Variants in ADD3 observed in about 807,000 individuals in gnomAD.
ADD3 encodes gamma-adducin.
ADD3 carries 25 observed loss-of-function variants against 80.2 expected under a neutral mutation model. The observed-to-expected ratio is 0.31, with a 90% CI of 0.23 to 0.44. The LOEUF is 0.44. ADD3 is among the 20% of genes least tolerant of loss of function. ADD3 has a pLI of 1.00. For synonymous variants in ADD3, 284 were observed against 289.6 expected, an observed-to-expected ratio of 0.98 and a Z score of 0.20; for missense variants, 829 against 847.5, an observed-to-expected ratio of 0.98 and a Z score of 0.27.
intron 1 of ADD3, among the ~76,000 whole-genome samples, chr10:110,091,715 C>CAA (rs1847537313): frequency 6.6e-6 from 1 of 151,970 alleles, no homozygotes; most frequent in South Asian, 2.1e-4. Context: ...ATGAAGTCTC[C>CAA]AAAAGCAATT....
Position 110,119,554 on chromosome 10 carries a change from G to T in ADD3, c.950G>T (p.Cys317Phe). Residue 317 changes from cysteine (C) to phenylalanine (F), a missense_variant, in exon 8 of 15, where the codon TGT becomes TTT. Physicochemically the swap from Cys to Phe is radical, Grantham distance 205 (BLOSUM62 -2). Transcript: ENST00000356080. ...FHYIFNVQLA[C>F]EIQVQALAGA... ...TATATTTTTAATGTGCAACTAGCCTGTGAGATTCAGGTAGGAAACATTATT... is the reference window on the plus strand; with the variant it reads ...TATATTTTTAATGTGCAACTAGCCTTTGAGATTCAGGTAGGAAACATTATT... 1 of 1,612,894 alleles carries T rather than the reference G, an allele frequency of 6.2e-7. No homozygotes were observed. Among genetic ancestry groups the T allele is most frequent in the Middle Eastern group, 1.7e-4 (1 of 6,060 alleles).
chr10:110,054,894 A>G (rs544484220), intron 1 of ADD3, among the ~76,000 whole-genome samples: 8 of 151,970 alleles, frequency 5.3e-5, no homozygotes, highest in East Asian at 2.0e-4. Context: ...GCTTACAGGC[A>G]TGAGCCACCG....
chr10:110,111,677 A>G (rs1850024832), intron 2 of ADD3, among the ~76,000 whole-genome samples: 2 of 152,306 alleles, frequency 1.3e-5, no homozygotes, highest in African/African-American at 4.8e-5. Context: ...GCACTTCGGA[A>G]GGCAGAGGTG....
At chr10:110,095,890 A>G (rs1848091494) in intron 1 of ADD3, among the ~76,000 whole-genome samples, 2 of 152,216 alleles carry the variant, frequency 1.3e-5, no homozygotes, top group African/African-American at 4.8e-5. Flanking sequence ...CATTTGTATA[A>G]TATTCTTTAA....
chr10:110,029,130 C>A (rs771370921), intron 1 of ADD3, among the ~76,000 whole-genome samples: 1 of 152,240 alleles, frequency 6.6e-6, no homozygotes, highest in Non-Finnish European at 1.5e-5. Context: ...CCGCCTGCCT[C>A]GGCCTCCCAA....
chr10:110,128,163 C>T (rs1320294441), intron 12 of ADD3, among the ~76,000 whole-genome samples: 4 of 150,626 alleles, frequency 2.7e-5, no homozygotes, highest in African/African-American at 9.8e-5. Flanking sequence ...AATTAGTAAC[C>T]CTTTTCAATC....
chr10:110,108,545 T>C (rs1849635170), intron 2 of ADD3, among the ~76,000 whole-genome samples: 1 of 152,156 alleles, frequency 6.6e-6, no homozygotes, highest in Non-Finnish European at 1.5e-5. Flanking sequence ...AGTAAAAATA[T>C]GATTAACTAC....
upstream of ADD3, among the ~76,000 whole-genome samples, chr10:110,004,406 C>T (rs896160562): frequency 2.0e-5 from 3 of 152,018 alleles, no homozygotes; most frequent in Non-Finnish European, 2.9e-5. Flanking sequence ...TGGTGGCATG[C>T]GCCTGTAGTC....
intron 13 of ADD3, 78 bp from the exon 14 acceptor site, chr10:110,132,227 G>T: frequency 2.2e-6 from 2 of 907,056 alleles, no homozygotes; most frequent in Admixed American, 2.0e-5. Context: ...GGCATTTGAT[G>T]TATGCACTAA....
intron 1 of ADD3, among the ~76,000 whole-genome samples, chr10:110,040,390 C>T (rs775164538): frequency 6.6e-6 from 1 of 152,162 alleles, no homozygotes. Context: ...AACAGATTGA[C>T]ACTGGCAGGA....
chr10:110,129,150 C>CTTTCTT (rs1554845124), intron 12 of ADD3, among the ~76,000 whole-genome samples: 25 of 138,302 alleles, frequency 1.8e-4, no homozygotes, highest in African/African-American at 6.4e-4. Flanking sequence ...TTCTTTCTTT[C>CTTTCTT]TTTTTTTTTT....
chr10:110,133,183 T>G, intron 14 of ADD3, 143 bp from the exon 15 acceptor site: 1 of 801,804 alleles, frequency 1.2e-6, no homozygotes, highest in South Asian at 3.5e-5. Context: ...TGCTAATAGA[T>G]CACAGTTTAT....
intron 1 of ADD3, among the ~76,000 whole-genome samples, chr10:110,065,912 A>G (rs7081939): frequency 6.6e-6 from 1 of 151,886 alleles, no homozygotes; most frequent in Admixed American, 6.6e-5. Context: ...TTTTTCAAGT[A>G]TGTATTTTAG....
At chr10:110,109,127 G>A (rs376618268) in intron 2 of ADD3, among the ~76,000 whole-genome samples, 3 of 152,128 alleles carry the variant, frequency 2.0e-5, no homozygotes, top group East Asian at 1.9e-4. Context: ...CTGTATGTCC[G>A]TGAACAGGTT....
intron 1 of ADD3, among the ~76,000 whole-genome samples, chr10:110,067,450 A>G (rs943745922): frequency 6.6e-6 from 1 of 152,204 alleles, no homozygotes; most frequent in Non-Finnish European, 1.5e-5. Flanking sequence ...TTAAAGCATC[A>G]TATCATTTAT....
intron 1 of ADD3, among the ~76,000 whole-genome samples, chr10:110,062,464 C>A (rs1859047624): frequency 6.6e-6 from 1 of 150,946 alleles, no homozygotes; most frequent in African/African-American, 2.4e-5. Context: ...TACCTGTGGT[C>A]CCAGCTATTA....
chr10:110,118,674 A>C lies in ADD3; in HGVS notation c.655A>C (p.Ile219Leu). 6.2e-7 allele frequency: 1 copy of C among 1,614,072 alleles called. No homozygotes were observed. The highest frequency in any genetic ancestry group is 8.5e-7 in the Non-Finnish European group (1 of 1,179,920). The change falls in exon 6 of 15, where the codon ATC becomes CTC. Residue 219 changes from isoleucine (I) to leucine (L), a missense_variant. Coordinates refer to ENST00000356080, the MANE Select transcript of ADD3 (RefSeq NM_016824.5). ...DHTGFSPHAA[I>L]YSTRPDVKCV... ...TACAGGATTCAGTCCCCATGCTGCA[A>C]TCTATTCAACACGTCCTGATGTTAA...
intron 1 of ADD3, among the ~76,000 whole-genome samples, chr10:110,095,383 A>C (rs1358043556): frequency 6.6e-6 from 1 of 152,184 alleles, no homozygotes; most frequent in Admixed American, 6.5e-5. Flanking sequence ...TCATTTTCCC[A>C]TAGTGCCTGG....
At chr10:110,043,268 A>T (rs1316586097) in intron 1 of ADD3, among the ~76,000 whole-genome samples, 3 of 152,228 alleles carry the variant, frequency 2.0e-5, no homozygotes, top group Non-Finnish European at 4.4e-5. Flanking sequence ...AATGTTCTTT[A>T]GAGAAATCTA....
Sources: gnomAD v4.1 joint callset for allele counts (sites outside exome capture counted in the v4.1 genomes callset) on GRCh38, gnomAD v4.1.1 for gene constraint, MANE v1.5 for transcripts, NCBI Gene and HGNC (gene_info 2026-07-23, HGNC 2026-07-21) for gene names.